Variants in IWS1 observed in about 807,000 individuals in gnomAD.
IWS1 encodes protein IWS1 homolog.
IWS1 carries 27 observed loss-of-function variants against 86.7 expected under a neutral mutation model. The observed-to-expected ratio is 0.31, with a 90% CI of 0.23 to 0.43. IWS1 has a LOEUF of 0.43. IWS1 is among the 20% of genes least tolerant of loss of function. The probability of loss-of-function intolerance (pLI) is 1.00; values close to 1 mark genes in which losing one functional copy is unlikely to be tolerated. For missense variants in IWS1, 827 were observed against 1,000.8 expected (o/e 0.83, Z 2.34); for synonymous variants, 313 against 335.1 (o/e 0.93, Z 0.72).
At position 127,496,011 on chromosome 2, in the gene IWS1, T is replaced by C. The variant is rs1690491365; in HGVS notation, c.1703A>G (p.Asn568Ser). The C allele has an allele frequency of 6.2e-7, 1 of 1,612,724 alleles. No homozygotes were observed. ...DVVSAMIVKMNEAAEEDRQLN... is the reference protein window; with the variant it reads ...DVVSAMIVKMSEAAEEDRQLN... Reference sequence around the variant, plus strand: ...GACCCAGCTCACCTCAGCAGCTTCATTCATCTTGACGATCATGGCACTCAC... The same window carrying C: ...GACCCAGCTCACCTCAGCAGCTTCACTCATCTTGACGATCATGGCACTCAC... The change falls in exon 7 of 14, where the codon AAT (asparagine) becomes AGT (serine). Residue 568 changes from asparagine (N) to serine (S), a missense_variant. Physicochemically the swap from Asn to Ser is conservative, Grantham distance 46. Around this residue, in one of 2 missense-constraint regions of IWS1, gnomAD observed 279 missense variants for 440.6 expected, o/e 0.63. Coordinates refer to ENST00000295321, the MANE Select transcript of IWS1 (RefSeq NM_017969.3).
rs1051078650 is a variant in IWS1, at chr2:127,496,642, T to C, written c.1566-494A>G. On this transcript the variant is annotated intron_variant, in intron 6 of 13. Transcript: ENST00000295321. ...CCCAGGCTGGAGTGCGGTGGCACAA[T>C]CATAGTTCACCGTAGCCTCAAACTC... is the stretch of plus-strand genomic sequence containing the variant. Among the ~76,000 whole-genome samples, 2 of 151,332 alleles carry C rather than the reference T, an allele frequency of 1.3e-5. 1 individual carries two copies. The highest frequency in any genetic ancestry group is 2.9e-5 in the Non-Finnish European group (2 of 67,892).
At chr2:127,507,610 GT>G (rs1215652068) in intron 2 of IWS1, among the ~76,000 whole-genome samples, 1 of 152,156 alleles carries the variant, frequency 6.6e-6, no homozygotes, top group Non-Finnish European at 1.5e-5. Context: ...GTTGCCTAAA[GT>G]TTACTTTAGC....
rs972288977 is a variant in IWS1, at chr2:127,486,788, C to G, written c.2217-124G>C. The G allele has an allele frequency of 2.2e-5, 16 of 736,226 alleles. No homozygotes were observed. The African/African-American group carries it at 2.8e-4, about 13-fold the overall frequency. The allele number at this position is 736,226 out of a possible 1,614,324, so 45.6% of individuals were successfully genotyped here. A position where few individuals can be genotyped will look rare whatever the true frequency, so the allele number is the denominator to read the frequency against. On this transcript the variant is annotated intron_variant, in intron 12 of 13. Coordinates refer to ENST00000295321, the MANE Select transcript of IWS1 (RefSeq NM_017969.3). ...CTGCAATGTTCGAAACTCCTCTACT[C>G]CCCACCAAAGGTCACCCAATCCACC...
In IWS1 at chr2:127,489,879, C is replaced by T. The variant is rs562745755; in HGVS notation, c.2112G>A (p.Arg704=). 1.5e-5 allele frequency: 25 copies of T among 1,613,118 alleles called. No homozygotes were observed. Among genetic ancestry groups the T allele is most frequent in the Admixed American group, 3.3e-5 (2 of 60,028 alleles). The change falls in exon 11 of 14, where the codon AGG becomes AGA. Residue 704 remains arginine, a synonymous_variant. Transcript: ENST00000295321. This position sits in a 1 kb window ranked among gnomAD's most constrained non-coding sequence, Gnocchi z 4.8. ...GCATCTGTTCTAGATCTCTCTGCTC[C>T]CTTTCTTCTCTTGTCATTCCTTTGT... ...SNYKGMTREE[R]EQRDLEQMPQ... is the part of the protein sequence containing the mutation.
chr2:127,515,610 T>A (rs552707346), intron 2 of IWS1, among the ~76,000 whole-genome samples: 1 of 152,314 alleles, frequency 6.6e-6, no homozygotes, highest in South Asian at 2.1e-4. Context: ...ACTTTTGGCA[T>A]CACAGAATGA....
chr2:127,489,183 C>A lies in IWS1; in HGVS notation c.2212G>T (p.Glu738Ter). 6.2e-7 allele frequency: 1 copy of A among 1,611,304 alleles called. No homozygotes were observed. The highest frequency in any genetic ancestry group is 8.5e-7 in the Non-Finnish European group (1 of 1,177,842). Residue 738 changes from glutamate (E) to a stop codon, truncating the protein, a stop_gained, in exon 12 of 14, where the codon GAG (glutamate) becomes TAG (stop). Transcript: ENST00000295321. LOFTEE classifies it high-confidence loss of function. The surrounding 1 kb of genome is among the most constrained non-coding windows in gnomAD (Gnocchi z 4.8). Reference protein sequence around the residue: ...RDLEKVLTGEEKALRPGDPGF... With the variant: ...RDLEKVLTGE ...AAATTAACATTAAAACCTTACTTCT[C>A]CTCTCCTGTCAGCACCTTTTCCAGG...
intron 2 of IWS1, among the ~76,000 whole-genome samples, chr2:127,507,461 AC>A (rs1573544429): frequency 6.6e-6 from 1 of 152,218 alleles, no homozygotes; most frequent in African/African-American, 2.4e-5. Flanking sequence ...CTCACTGGGC[AC>A]TCAACACAGT....
At chr2:127,512,034 C>A (rs1277348558) in intron 2 of IWS1, among the ~76,000 whole-genome samples, 2 of 152,238 alleles carry the variant, frequency 1.3e-5, no homozygotes, top group Admixed American at 6.5e-5. Context: ...GCTGGGCCCA[C>A]TGTGCTTTGC....
intron 2 of IWS1, among the ~76,000 whole-genome samples, chr2:127,520,351 T>C (rs558016688): frequency 6.6e-6 from 1 of 152,256 alleles, no homozygotes; most frequent in Admixed American, 6.5e-5. Flanking sequence ...GTATTTTTAG[T>C]AGAGACGGGG....
In IWS1 at chr2:127,499,953, T is replaced by C. The variant is rs180790076; in HGVS notation, c.1468-1716A>G. ...ATCTTGACTCTTACCTCATACCACATACGAAACCAATTCTAGGTGAATTAT... is the reference window on the plus strand; with the variant it reads ...ATCTTGACTCTTACCTCATACCACACACGAAACCAATTCTAGGTGAATTAT... On this transcript the variant is annotated intron_variant, in intron 5 of 13. Transcript: ENST00000295321. This position sits in a 1 kb window ranked among gnomAD's most constrained non-coding sequence, Gnocchi z 4.0. 7.9e-5 allele frequency among the ~76,000 whole-genome samples: 12 copies of C among 152,278 alleles called. No homozygotes were observed. The highest frequency in any genetic ancestry group is 2.6e-4 in the Admixed American group (4 of 15,298).
In IWS1 at chr2:127,523,769, T is replaced by C. The variant is rs1647320921; in HGVS notation, c.57A>G (p.Val19=). ...CTGACCCTGAATCCCGTTCATCCTGTACTGGGGTAGCACCACCATCATCTG... is the reference window on the plus strand; with the variant it reads ...CTGACCCTGAATCCCGTTCATCCTGCACTGGGGTAGCACCACCATCATCTG... The part of the protein sequence containing the change: ...DQSDDGGATP[V]QDERDSGSDG... The change falls in exon 2 of 14, where the codon GTA becomes GTG. Residue 19 remains valine, a synonymous_variant. Transcript: ENST00000295321. 1.9e-6 allele frequency: 3 copies of C among 1,613,072 alleles called. No individual in the cohort carries two copies. The highest frequency in any genetic ancestry group is 2.5e-6 in the Non-Finnish European group (3 of 1,179,708).
rs556236943 is a variant in IWS1 at position 127,526,025 on chromosome 2, G to A, written c.34+150C>T. 26 of 684,868 alleles carry A rather than the reference G, an allele frequency of 3.8e-5. No individual in the cohort carries two copies. In the South Asian group the frequency reaches 4.7e-4, roughly 12 times the overall value. 42.4% of individuals were successfully genotyped at this position (684,868 alleles called of 1,614,324 possible). On this transcript the variant is annotated intron_variant, in intron 1 of 13. Coordinates refer to ENST00000295321, the MANE Select transcript of IWS1 (RefSeq NM_017969.3). ...CAACGTTCTAGCTTCGACGCTTGCA[G>A]CTGGTCAGAGGGCTCTTGCCCTCCT...
chr2:127,507,930 T>C (rs909253979), intron 2 of IWS1, among the ~76,000 whole-genome samples: 4 of 152,226 alleles, frequency 2.6e-5, no homozygotes, highest in African/African-American at 9.6e-5. Context: ...ACCTTCCAGC[T>C]ATGTATATAA....
chr2:127,493,260 G>A (rs1690329596), intron 9 of IWS1, 21 bp downstream of exon 9: 4 of 1,599,664 alleles, frequency 2.5e-6, no homozygotes, highest in East Asian at 2.2e-5. Context: ...ATAAAGAACA[G>A]TCAGATTATC....
chr2:127,522,677 A>C (rs1026917887), intron 2 of IWS1, among the ~76,000 whole-genome samples: 11 of 152,250 alleles, frequency 7.2e-5, no homozygotes, highest in Non-Finnish European at 1.0e-4. Context: ...AGAAAAATAT[A>C]AGGCATAGAA....
intron 2 of IWS1, among the ~76,000 whole-genome samples, chr2:127,509,386 A>G (rs1002764808): frequency 1.2e-4 from 18 of 152,166 alleles, no homozygotes; most frequent in Non-Finnish European, 2.5e-4. Flanking sequence ...GAAATTGAGC[A>G]CTCAGAAGGT....
In IWS1 at chr2:127,489,180, TCTC is replaced by T. The variant is rs757878450; in HGVS notation, c.2212_2214del (p.Glu738del). The T allele has an allele frequency of 6.2e-7, 1 of 1,609,672 alleles. No homozygotes were observed. Among genetic ancestry groups the T allele is most frequent in the Admixed American group, 1.7e-5 (1 of 59,750 alleles). On this transcript the variant is annotated inframe_deletion and splice_region_variant, in exon 12 of 14. Transcript: ENST00000295321. This position sits in a 1 kb window ranked among gnomAD's most constrained non-coding sequence, Gnocchi z 4.8. ...GAAAAATTAACATTAAAACCTTACT[TCTC>T]CTCTCCTGTCAGCACCTTTTCCAGG...
chr2:127,492,215 C>A, intron 9 of IWS1, 127 bp from the exon 10 acceptor site: 1 of 638,544 alleles, frequency 1.6e-6, no homozygotes. Context: ...GATCTACAGA[C>A]ATAGAACACA....
chr2:127,526,628 T>A, upstream of IWS1: 1 of 1,339,808 alleles, frequency 7.5e-7, no homozygotes, highest in African/African-American at 1.5e-5. Flanking sequence ...CGGGCTTTAG[T>A]TAAATACCTT....
Sources: allele counts gnomAD v4.1 joint callset (sites outside exome capture counted in the v4.1 genomes callset), GRCh38; gene constraint gnomAD v4.1.1; regional missense constraint gnomAD v4.1.1; non-coding constraint Gnocchi (gnomAD v3.1); transcripts MANE v1.5; gene names NCBI Gene and HGNC (gene_info 2026-07-23, HGNC 2026-07-21).